FRG1: variants seen among roughly 807,000 people sequenced by gnomAD.
FRG1 encodes the protein protein FRG1.
A neutral mutation model predicts 37.0 loss-of-function variants in FRG1; 19 were observed. The observed-to-expected ratio is 0.51, with a 90% CI of 0.36 to 0.75. The LOEUF (loss-of-function observed/expected upper bound fraction) is 0.75, where lower values mean the gene tolerates loss of function less well. Ranked by LOEUF, FRG1 falls within the 30% of genes least tolerant of loss-of-function variation. The probability of loss-of-function intolerance (pLI) is 0.00; values close to 1 mark genes in which losing one functional copy is unlikely to be tolerated. For missense variants in FRG1, 243 were observed against 301.4 expected, an observed-to-expected ratio of 0.81 and a Z score of 1.44; for synonymous variants, 73 against 96.5, an observed-to-expected ratio of 0.76 and a Z score of 1.43.
chr4:189,951,518 T>C (rs1027075160), intron 2 of FRG1, among the ~76,000 whole-genome samples: 1 of 151,600 alleles, frequency 6.6e-6, no homozygotes, highest in Non-Finnish European at 1.5e-5. Context: ...ATTGCTATGC[T>C]AGAAAGTCTT....
rs139038183 is a variant in FRG1 at position 189,956,834 on chromosome 4, G to C, written c.433-564G>C. ...TTATAACCCAGATTTAGATACACAA[G>C]AAAATCAGTCTTTAAAGTTTTAATA... On this transcript the variant is annotated intron_variant, in intron 5 of 8. Coordinates refer to ENST00000226798, the MANE Select transcript of FRG1 (RefSeq NM_004477.3). Among the ~76,000 whole-genome samples the C allele has an allele frequency of 7.6e-3, 1,157 of 152,222 alleles. 17 individuals are homozygous for C. Among genetic ancestry groups the C allele is most frequent in the African/African-American group, 0.026 (1,098 of 41,528 alleles).
chr4:189,947,785 A>T (rs1219922742), intron 2 of FRG1, among the ~76,000 whole-genome samples: 2 of 152,116 alleles, frequency 1.3e-5, no homozygotes, highest in Non-Finnish European at 2.9e-5. Flanking sequence ...CTTCTCCAGT[A>T]CCTTATTCTA....
rs564230188 is a variant in FRG1, at chr4:189,944,241, A to G, written c.133+969A>G. ...TCCCAAGCTGGAATGCAGTGATGCG[A>G]TCTCGGTTCACTGCAAGCTCCACCT... On this transcript the variant is annotated intron_variant, in intron 2 of 8. Coordinates refer to ENST00000226798, the MANE Select transcript of FRG1 (RefSeq NM_004477.3). 7.2e-4 allele frequency among the ~76,000 whole-genome samples: 110 copies of G among 152,132 alleles called. No individual in the cohort carries two copies. The South Asian group carries it at 0.021, about 30-fold the overall frequency.
At chr4:189,947,940 G>C (rs1736597533) in intron 2 of FRG1, among the ~76,000 whole-genome samples, 1 of 152,194 alleles carries the variant, frequency 6.6e-6, no homozygotes, top group Admixed American at 6.5e-5. Context: ...TTTGCCTCCA[G>C]TGTTTTCCTG....
intron 4 of FRG1, among the ~76,000 whole-genome samples, chr4:189,954,527 A>G (rs772469303): frequency 1.3e-5 from 2 of 152,042 alleles, no homozygotes; most frequent in Non-Finnish European, 2.9e-5. Context: ...TTAAAAAAGC[A>G]CAATATAAAA....
chr4:189,961,690 G>C, intron 7 of FRG1, 132 bp from the exon 8 acceptor site: 4 of 526,638 alleles, frequency 7.6e-6, no homozygotes, highest in Non-Finnish European at 1.3e-5. Flanking sequence ...TTGCAGGCAT[G>C]AGCCACTGCG....
In FRG1 at chr4:189,941,003, C is replaced by T. The variant is rs372701219; in HGVS notation, c.-7C>T. ...TCAGCCTCTCCGCGCAGAAGTTTCC[C>T]GGAGCCATGGCCGAGTACTCCTACG... is the stretch of plus-strand genomic sequence containing the variant. On this transcript the variant is annotated 5_prime_UTR_variant, in exon 1 of 9. Transcript: ENST00000226798. The T allele has an allele frequency of 1.1e-3, 1,784 of 1,613,286 alleles. 5 individuals carry two copies. Among genetic ancestry groups the T allele is most frequent in the Non-Finnish European group, 1.4e-3 (1,593 of 1,179,376 alleles).
intron 2 of FRG1, among the ~76,000 whole-genome samples, chr4:189,949,669 A>G (rs374814171): frequency 1.3e-5 from 2 of 152,258 alleles, no homozygotes; most frequent in African/African-American, 4.8e-5. Context: ...ATCATTAACT[A>G]TTATATTTAT....
chr4:189,954,384 A>G (rs183624737), intron 4 of FRG1, among the ~76,000 whole-genome samples: 1 of 141,164 alleles, frequency 7.1e-6, no homozygotes, highest in Admixed American at 6.9e-5. Flanking sequence ...AGATGTACAT[A>G]GAACTATTTA....
At chr4:189,955,617 A>G (rs2126816091) in intron 5 of FRG1, among the ~76,000 whole-genome samples, 1 of 152,360 alleles carries the variant, frequency 6.6e-6, no homozygotes, top group South Asian at 2.1e-4. Flanking sequence ...TAAGCTTAAA[A>G]TAGCATACGA....
rs373844808 is a variant in FRG1, at chr4:189,952,486, TC to T, written c.259+201del. Among the ~76,000 whole-genome samples, 352 of 152,312 alleles carry T rather than the reference TC, an allele frequency of 2.3e-3. 2 individuals are homozygous for T. Among genetic ancestry groups the T allele is most frequent in the South Asian group, 0.022 (104 of 4,826 alleles). On this transcript the variant is annotated intron_variant, in intron 3 of 8. Coordinates refer to ENST00000226798, the MANE Select transcript of FRG1 (RefSeq NM_004477.3). The stretch of plus-strand genomic sequence containing the variant: ...TTCTAATATAAGCATTTGAAAACAT[TC>T]CGTATAGTTCCAGAAGAGTATCTTT...
rs765489655 is a variant in FRG1 at position 189,943,223 on chromosome 4, TAAGAA to T, written c.92_96del (p.Arg31LysfsTer5). On this transcript the variant is annotated frameshift_variant, in exon 2 of 9. Coordinates refer to ENST00000226798, the MANE Select transcript of FRG1 (RefSeq NM_004477.3). LOFTEE classifies it high-confidence loss of function. ...GTAGTAAGAAGAAAAAGAGCAAAGATAAGAAAAGAAAAAGAGAAGAAGATGAAGAA... is the reference window on the plus strand; with the variant it reads ...GTAGTAAGAAGAAAAAGAGCAAAGATAAGAAAAAGAGAAGAAGATGAAGAA... The T allele has an allele frequency of 4.3e-5, 69 of 1,604,174 alleles. No individual in the cohort carries two copies. The highest frequency in any genetic ancestry group is 1.7e-4 in the Middle Eastern group (1 of 6,026).
intron 1 of FRG1, 138 bp from the exon 2 acceptor site, chr4:189,943,064 A>AGG: frequency 1.1e-6 from 1 of 890,266 alleles, no homozygotes; most frequent in Non-Finnish European, 1.7e-6. Flanking sequence ...TGTATTTAAG[A>AGG]GGGCATATCA....
At position 189,952,161 on chromosome 4, in the gene FRG1, G is replaced by A. The variant is rs745700438; in HGVS notation, c.134-1G>A. The A allele has an allele frequency of 7.8e-6, 12 of 1,547,082 alleles. No individual in the cohort carries two copies. Among genetic ancestry groups the A allele is most frequent in the Non-Finnish European group, 1.0e-5 (12 of 1,144,972 alleles). ...GTTGAAATATTGATTTTATTTTTTA[G>A]GAATCTGGTGGACAGTAACAAACTT... On this transcript the variant is annotated splice_acceptor_variant, in intron 2 of 8. Coordinates refer to ENST00000226798, the MANE Select transcript of FRG1 (RefSeq NM_004477.3). LOFTEE classifies it high-confidence loss of function.
chr4:189,952,302 G>C lies in FRG1; in HGVS notation c.259+15G>C. Reference sequence around the variant, plus strand: ...ACACAAAGAAGGTTTGTGTCTGGAAGGGAAGAGGCTGCCACAAGTGTAGAT... The same window carrying C: ...ACACAAAGAAGGTTTGTGTCTGGAACGGAAGAGGCTGCCACAAGTGTAGAT... On this transcript the variant is annotated intron_variant, in intron 3 of 8. Transcript: ENST00000226798. 6 of 1,608,944 alleles carry C rather than the reference G, an allele frequency of 3.7e-6. No individual in the cohort carries two copies. The South Asian group carries it at 6.6e-5, about 18-fold the overall frequency.
chr4:189,962,817 A>G (rs1005238644), intron 8 of FRG1, among the ~76,000 whole-genome samples: 2 of 152,214 alleles, frequency 1.3e-5, no homozygotes, highest in African/African-American at 4.8e-5. Flanking sequence ...GTTAAATGGA[A>G]ATTTAGAGCA....
At chr4:189,945,364 C>T (rs1736480281) in intron 2 of FRG1, among the ~76,000 whole-genome samples, 1 of 152,188 alleles carries the variant, frequency 6.6e-6, no homozygotes, top group South Asian at 2.1e-4. Context: ...AGTAGTCCAC[C>T]ATATGGTATG....
At position 189,956,326 on chromosome 4, in the gene FRG1, T is replaced by C. The variant is rs1318543448; in HGVS notation, c.433-1072T>C. ...CCTACTAGTTAGGATGAGATACTTCTAATAAAAGTTACACCGGTAGAAAAG... is the reference window on the plus strand; with the variant it reads ...CCTACTAGTTAGGATGAGATACTTCCAATAAAAGTTACACCGGTAGAAAAG... On this transcript the variant is annotated intron_variant, in intron 5 of 8. Coordinates refer to ENST00000226798, the MANE Select transcript of FRG1 (RefSeq NM_004477.3). Among the ~76,000 whole-genome samples the C allele has an allele frequency of 3.3e-5, 5 of 152,324 alleles. No individual in the cohort carries two copies. The South Asian group carries it at 8.3e-4, about 25-fold the overall frequency.
At chr4:189,954,067 C>T (rs1736875778) in intron 4 of FRG1, among the ~76,000 whole-genome samples, 1 of 151,864 alleles carries the variant, frequency 6.6e-6, no homozygotes, top group Non-Finnish European at 1.5e-5. Flanking sequence ...GGACAAGGGA[C>T]ATTACCAGAT....
Sources: gnomAD v4.1 joint callset for allele counts (sites outside exome capture counted in the v4.1 genomes callset) on GRCh38, gnomAD v4.1.1 for gene constraint, MANE v1.5 for transcripts, NCBI Gene and HGNC (gene_info 2026-07-23, HGNC 2026-07-21) for gene names.